Variants in TAB2 observed in about 807,000 individuals in gnomAD.
TAB2 encodes the protein TGF-beta activated kinase 1 (MAP3K7) binding protein 2, also known as TGF-beta-activated kinase 1 and MAP3K7-binding protein 2.
TAB2 carries 3 observed loss-of-function variants against 65.0 expected under a neutral mutation model. The ratio of observed to expected loss-of-function variants is 0.05; its 90% CI spans 0.02 to 0.12. TAB2 has a LOEUF of 0.12. Among genes scored for constraint, TAB2 ranks in the 10% least tolerant of loss-of-function variants. The probability of loss-of-function intolerance (pLI) is 1.00; values close to 1 mark genes in which losing one functional copy is unlikely to be tolerated. For synonymous variants in TAB2, 298 were observed against 285.1 expected, an observed-to-expected ratio of 1.05 and a Z score of -0.46; for missense variants, 623 against 840.3, an observed-to-expected ratio of 0.74 and a Z score of 3.20.
intron 1 of TAB2, among the ~76,000 whole-genome samples, chr6:149,232,506 C>T (rs1336061745): frequency 6.6e-6 from 1 of 152,128 alleles, no homozygotes; most frequent in African/African-American, 2.4e-5. Flanking sequence ...AGATTACAAG[C>T]GTGAGCCACC....
At chr6:149,251,761 CAA>C (rs1251116789) in intron 1 of TAB2, among the ~76,000 whole-genome samples, 1 of 152,076 alleles carries the variant, frequency 6.6e-6, no homozygotes, top group African/African-American at 2.4e-5. Flanking sequence ...GTGTCCGATC[CAA>C]AAAGACTTTA....
chr6:149,351,204 A>G (rs934779819), intron 1 of TAB2, among the ~76,000 whole-genome samples: 3 of 152,158 alleles, frequency 2.0e-5, no homozygotes, highest in African/African-American at 7.2e-5. Flanking sequence ...ACAACCTAGT[A>G]CTGTTGAGTT....
At chr6:149,277,068 TG>T (rs776916952) in intron 1 of TAB2, among the ~76,000 whole-genome samples, 1 of 152,224 alleles carries the variant, frequency 6.6e-6, no homozygotes, top group Non-Finnish European at 1.5e-5. Flanking sequence ...CCATGTAAGA[TG>T]TGACTTTGAT....
chr6:149,322,024 G>A (rs1331812998), intron 1 of TAB2, among the ~76,000 whole-genome samples: 2 of 151,968 alleles, frequency 1.3e-5, no homozygotes, highest in Non-Finnish European at 2.9e-5. Context: ...TGGTACCCAG[G>A]GAGTGATATC....
At chr6:149,228,807 C>T (rs1304937377) in intron 1 of TAB2, among the ~76,000 whole-genome samples, 1 of 152,232 alleles carries the variant, frequency 6.6e-6, no homozygotes, top group African/African-American at 2.4e-5. Context: ...GTAAGAACCA[C>T]AGGAATGCCA....
intron 1 of TAB2, among the ~76,000 whole-genome samples, chr6:149,250,107 G>T (rs1228000281): frequency 6.6e-6 from 1 of 152,116 alleles, no homozygotes; most frequent in Non-Finnish European, 1.5e-5. Flanking sequence ...AAAGGACTGT[G>T]TGGCTACAGT....
At chr6:149,249,900 CTG>C (rs1777825006) in intron 1 of TAB2, among the ~76,000 whole-genome samples, 1 of 152,304 alleles carries the variant, frequency 6.6e-6, no homozygotes, top group Admixed American at 6.5e-5. Context: ...AAAATACAAA[CTG>C]TTAGCTATTT....
At chr6:149,291,523 A>G (rs1778777469) in intron 1 of TAB2, 2 of 152,416 alleles carry the variant, frequency 1.3e-5, no homozygotes, top group African/African-American at 4.8e-5. Flanking sequence ...CAGGTTGCCT[A>G]AGGAGGGGTG....
chr6:149,283,457 C>T (rs1006925660), intron 1 of TAB2, among the ~76,000 whole-genome samples: 2 of 152,126 alleles, frequency 1.3e-5, no homozygotes, highest in Admixed American at 6.6e-5. Context: ...TGCCTCTAAT[C>T]CCAGCACTTT....
At chr6:149,221,929 G>A (rs1777157012) in intron 1 of TAB2, among the ~76,000 whole-genome samples, 1 of 152,132 alleles carries the variant, frequency 6.6e-6, no homozygotes. Context: ...CTAATTTTAT[G>A]TGTCGACTTG....
intron 1 of TAB2, among the ~76,000 whole-genome samples, chr6:149,240,918 T>A (rs1016669323): frequency 1.3e-5 from 2 of 152,182 alleles, no homozygotes; most frequent in Non-Finnish European, 2.9e-5. Flanking sequence ...TGTGACAATA[T>A]TTGGAGATAA....
At position 149,410,028 on chromosome 6, in the gene TAB2, A is replaced by G. The variant is rs781138491; in HGVS notation, c.*309A>G. ...ATATGTTAACACCTAGGTGTTCCCA[A>G]TACCTTTTTCCCCTCATGTCACTAC... is the stretch of plus-strand genomic sequence containing the variant. On this transcript the variant is annotated 3_prime_UTR_variant, in exon 7 of 7. Coordinates refer to ENST00000637181, the MANE Select transcript of TAB2 (RefSeq NM_001292034.3). 1.8e-5 allele frequency: 7 copies of G among 391,348 alleles called. No individual in the cohort carries two copies. The highest frequency in any genetic ancestry group is 7.5e-4 in the Middle Eastern group (1 of 1,336). 24.2% of individuals were successfully genotyped at this position (391,348 alleles called of 1,614,324 possible).
intron 1 of TAB2, among the ~76,000 whole-genome samples, chr6:149,298,636 A>G (rs1475232869): frequency 6.6e-6 from 1 of 152,188 alleles, no homozygotes; most frequent in African/African-American, 2.4e-5. Context: ...TCCACTATTT[A>G]CTACACCTGT....
At chr6:149,357,430 A>AAAAAAAAAAACACAC in intron 1 of TAB2, among the ~76,000 whole-genome samples, 1 of 111,184 alleles carries the variant, frequency 9.0e-6, no homozygotes, top group Non-Finnish European at 1.8e-5. Flanking sequence ...AGAAAAAAAA[A>AAAAAAAAAAACACAC]ACACACACAC....
chr6:149,381,771 C>T (rs1370215714), intron 3 of TAB2, among the ~76,000 whole-genome samples: 1 of 151,540 alleles, frequency 6.6e-6, no homozygotes, highest in East Asian at 1.9e-4. Context: ...CAGGGTCTCC[C>T]TATGTTGCCC....
intron 1 of TAB2, among the ~76,000 whole-genome samples, chr6:149,300,974 A>G (rs953009066): frequency 1.3e-5 from 2 of 152,266 alleles, no homozygotes; most frequent in Non-Finnish European, 2.9e-5. Context: ...ATCAGGTGCT[A>G]TGCCATTCAG....
chr6:149,348,661 G>A (rs1361144532), intron 1 of TAB2, among the ~76,000 whole-genome samples: 1 of 151,172 alleles, frequency 6.6e-6, no homozygotes, highest in Admixed American at 6.6e-5. Flanking sequence ...CATCACCTGT[G>A]AACATTAAAA....
rs531075765 is a variant in TAB2 at position 149,280,693 on chromosome 6, C to G, written c.-121+61917C>G. On this transcript the variant is annotated intron_variant, in intron 1 of 1. Coordinates refer to the TAB2 transcript ENST00000606202. ...CAGTGGCTCATACCTGTAATCCCAG[C>G]ACTTTGGGAGGCCAAGGCAGGAGAA... 3.3e-5 allele frequency among the ~76,000 whole-genome samples: 5 copies of G among 152,234 alleles called. No homozygotes were observed. In the South Asian group the frequency reaches 1.0e-3, roughly 31 times the overall value.
intron 1 of TAB2, among the ~76,000 whole-genome samples, chr6:149,262,190 A>G (rs1264870344): frequency 6.6e-6 from 1 of 152,226 alleles, no homozygotes; most frequent in East Asian, 1.9e-4. Context: ...CCACACTCCT[A>G]TACCAAGCAT....
Sources: gnomAD v4.1 joint callset for allele counts (sites outside exome capture counted in the v4.1 genomes callset) on GRCh38, gnomAD v4.1.1 for gene constraint, MANE v1.5 for transcripts, NCBI Gene and HGNC (gene_info 2026-07-23, HGNC 2026-07-21) for gene names.